FANCD2OS: variants seen among roughly 807,000 people sequenced by gnomAD.
The protein encoded by FANCD2OS is FANCD2 opposite strand, also known as FANCD2 opposite strand protein.
Under a neutral mutation model 13.2 loss-of-function variants are expected in FANCD2OS, and 11 were observed. That is an observed-to-expected ratio of 0.83 (90% CI 0.52 to 1.38). The LOEUF (loss-of-function observed/expected upper bound fraction) is 1.38. Among genes scored for constraint, FANCD2OS ranks in the 40% most tolerant of loss-of-function variants. FANCD2OS has a pLI of 0.00. For synonymous variants in FANCD2OS, 69 were observed against 84.5 expected (o/e 0.82, Z 1.01); for missense variants, 217 against 213.9 (o/e 1.01, Z -0.09).
intron 1 of FANCD2OS, among the ~76,000 whole-genome samples, chr3:10,105,386 A>G (rs7650633): frequency 0.031 from 4,649 of 152,216 alleles, 241 homozygotes; most frequent in African/African-American, 0.11. Context: ...CTGAGGTGAC[A>G]GAAGCTTCTG....
downstream of FANCD2OS, among the ~76,000 whole-genome samples, chr3:10,100,460 C>T (rs909124846): frequency 1.3e-5 from 2 of 152,166 alleles, no homozygotes; most frequent in Admixed American, 1.3e-4. Flanking sequence ...TGCAGTCTGT[C>T]TCCCGAGTTC....
At chr3:10,090,034 A>G (rs1694490393) in intron 2 of FANCD2OS, among the ~76,000 whole-genome samples, 1 of 152,186 alleles carries the variant, frequency 6.6e-6, no homozygotes, top group South Asian at 2.1e-4. Flanking sequence ...TCAAACTCAG[A>G]TCTTCTCACT....
intron 2 of FANCD2OS, chr3:10,093,272 T>C: frequency 3.1e-6 from 5 of 1,612,456 alleles, no homozygotes; most frequent in Non-Finnish European, 4.2e-6. Context: ...TTTCTTGTCT[T>C]TCACCTCTCC....
intron 2 of FANCD2OS, among the ~76,000 whole-genome samples, chr3:10,089,697 A>T (rs34417922): frequency 6.6e-6 from 1 of 152,042 alleles, no homozygotes; most frequent in Non-Finnish European, 1.5e-5. Context: ...CTTGAACCCA[A>T]CCTCAGGTGA....
In FANCD2OS at chr3:10,088,345, T is replaced by A. The variant is rs868320152; in HGVS notation, c.*44-6814A>T. The A allele has an allele frequency of 4.8e-6, 4 of 826,620 alleles. No individual in the cohort carries two copies. In the Middle Eastern group the frequency reaches 1.2e-3, roughly 241 times the overall value. 51.2% of individuals were successfully genotyped at this position (826,620 alleles called of 1,614,324 possible). A position where few individuals can be genotyped will look rare whatever the true frequency, so the allele number is the denominator to read the frequency against. ...TAGACCGGGAACGTCTTAGTAAATC[T>A]AAACTAATAATCCTTTTGATCAATA... On this transcript the variant is annotated intron_variant, in intron 2 of 2. Transcript: ENST00000524279.
chr3:10,106,775 G>A (rs1383805194), intron 1 of FANCD2OS, among the ~76,000 whole-genome samples: 2 of 152,182 alleles, frequency 1.3e-5, no homozygotes, highest in African/African-American at 2.4e-5. Context: ...TTAGCCAGGC[G>A]TGGTGGTGGG....
chr3:10,083,812 C>T (rs1351336606), intron 2 of FANCD2OS: 3 of 143,248 alleles, frequency 2.1e-5, no homozygotes, highest in Non-Finnish European at 3.0e-5. Flanking sequence ...GGCCTTAACC[C>T]GGGAGGTGGA....
intron 2 of FANCD2OS, among the ~76,000 whole-genome samples, chr3:10,095,912 C>G (rs561448636): frequency 7.1e-6 from 1 of 141,318 alleles, no homozygotes; most frequent in Non-Finnish European, 1.5e-5. Context: ...GACGGAGTCT[C>G]GCTTTGTAGC....
chr3:10,104,708 T>C lies in FANCD2OS; in HGVS notation c.67A>G (p.Thr23Ala). Residue 23 changes from threonine (T) to alanine (A), a missense_variant, in exon 2 of 2, where the codon ACG (threonine) becomes GCG (alanine). Transcript: ENST00000450660. ...TGCTTGGAGGAAGGTGTAGGTGTCG[T>C]GTGCCGCAGCCATTGGAAACTCTCA... ...LDESFQWLRH[T>A]TPTPSSKHPF... 6.2e-7 allele frequency: 1 copy of C among 1,610,204 alleles called. No individual in the cohort carries two copies. The highest frequency in any genetic ancestry group is 8.5e-7 in the Non-Finnish European group (1 of 1,178,396).
chr3:10,084,520 G>A (rs1694062259), intron 2 of FANCD2OS, among the ~76,000 whole-genome samples: 1 of 150,742 alleles, frequency 6.6e-6, no homozygotes, highest in African/African-American at 2.4e-5. Context: ...GGCTGGTCTT[G>A]AACCTCTGGG....
At chr3:10,098,430 C>T (rs1575876258), downstream of FANCD2OS, among the ~76,000 whole-genome samples, 1 of 152,176 alleles carries the variant, frequency 6.6e-6, no homozygotes, top group East Asian at 1.9e-4. Flanking sequence ...TGTTCAGCAT[C>T]GACTTAGAGT....
Position 10,088,858 on chromosome 3 carries a change from G to A in FANCD2OS, c.*44-7327C>T, listed in dbSNP as rs1694403439. On this transcript the variant is annotated intron_variant, in intron 2 of 2. Transcript: ENST00000524279. ...ACCTGGAGCACACAGAGAGCATTCT[G>A]AAGGCCATAGAGGAGATTGCTGGTG... The A allele has an allele frequency of 6.2e-7, 1 of 1,614,024 alleles. No homozygotes were observed. The highest frequency in any genetic ancestry group is 8.5e-7 in the Non-Finnish European group (1 of 1,179,982).
chr3:10,099,000 A>G (rs772259116), downstream of FANCD2OS: 7 of 1,613,696 alleles, frequency 4.3e-6, no homozygotes, highest in Non-Finnish European at 5.1e-6. Context: ...ACAACGACAC[A>G]ATCTTAGAAT....
downstream of FANCD2OS, among the ~76,000 whole-genome samples, chr3:10,100,428 C>A (rs1345443346): frequency 6.6e-6 from 1 of 152,168 alleles, no homozygotes; most frequent in Admixed American, 6.5e-5. Context: ...GGCTAGCATG[C>A]AGTGGTGCAG....
At chr3:10,105,762 AAAAAAAAAATTATATATATATATAT>A (rs1276003148) in intron 1 of FANCD2OS, among the ~76,000 whole-genome samples, 19 of 75,070 alleles carry the variant, frequency 2.5e-4, no homozygotes, top group African/African-American at 5.1e-4. Flanking sequence ...AAAAAAAAAA[AAAAAAAAAATTATATATATATATAT>A]ATATATATAT....
chr3:10,087,090 A>G (rs750228398), intron 2 of FANCD2OS: 12 of 1,609,862 alleles, frequency 7.5e-6, no homozygotes, highest in East Asian at 2.2e-5. Context: ...TCTGTGACAC[A>G]TAGGATACTA....
At chr3:10,093,342 CCT>C (rs1344674954) in intron 2 of FANCD2OS, 1 of 1,597,564 alleles carries the variant, frequency 6.3e-7, no homozygotes, top group Admixed American at 1.7e-5. Flanking sequence ...TTTACTGGGC[CCT>C]GTTTCATATT....
At chr3:10,105,798 A>T (rs1196022799) in intron 1 of FANCD2OS, among the ~76,000 whole-genome samples, 2 of 92,634 alleles carry the variant, frequency 2.2e-5, no homozygotes, top group East Asian at 6.6e-4. Context: ...ATATATATAT[A>T]TATATATATA....
downstream of FANCD2OS, chr3:10,103,124 C>A (rs763810916): frequency 2.3e-6 from 1 of 435,294 alleles, no homozygotes; most frequent in Admixed American, 2.5e-5. Flanking sequence ...AATTAATGGC[C>A]GGGCGCAGTG....
Sources: gnomAD v4.1 joint callset for allele counts (sites outside exome capture counted in the v4.1 genomes callset) on GRCh38, gnomAD v4.1.1 for gene constraint, MANE v1.5 for transcripts, NCBI Gene and HGNC (gene_info 2026-07-23, HGNC 2026-07-21) for gene names.